NLK: variants seen among roughly 807,000 people sequenced by gnomAD.
NLK encodes the protein serine/threonine-protein kinase NLK.
NLK carries 11 observed loss-of-function variants against 59.0 expected under a neutral mutation model. The observed-to-expected ratio is 0.19, with a 90% CI of 0.12 to 0.31. The LOEUF is 0.31. Among genes scored for constraint, NLK ranks in the 10% least tolerant of loss-of-function variants. NLK has a pLI of 1.00. For missense variants in NLK, 410 were observed against 661.1 expected (o/e 0.62, Z 4.16); for synonymous variants, 235 against 235.9 (o/e 1.00, Z 0.03).
In NLK at chr17:28,174,052, C is replaced by CCTGT. The variant is rs1252255387; in HGVS notation, c.1149+1438_1149+1441dup. Among the ~76,000 whole-genome samples, 3 of 152,300 alleles carry CCTGT rather than the reference C, an allele frequency of 2.0e-5. No homozygotes were observed. The East Asian group carries it at 5.8e-4, about 29-fold the overall frequency. On this transcript the variant is annotated intron_variant, in intron 7 of 10. Coordinates refer to ENST00000407008, the MANE Select transcript of NLK (RefSeq NM_016231.5). ...AAGAACAAGGTTTCCTGAGGAGTTT[C>CCTGT]CTGTCTGCTGTCTAGATAGAACGGC... is the stretch of plus-strand genomic sequence containing the variant.
chr17:28,081,488 A>G (rs781523915), intron 1 of NLK, among the ~76,000 whole-genome samples: 1 of 152,192 alleles, frequency 6.6e-6, no homozygotes, highest in Non-Finnish European at 1.5e-5. Flanking sequence ...TTAAATAAAT[A>G]TTAGAAATGA....
intron 1 of NLK, among the ~76,000 whole-genome samples, chr17:28,067,428 A>T (rs1222609595): frequency 6.6e-6 from 1 of 152,140 alleles, no homozygotes; most frequent in Non-Finnish European, 1.5e-5. Flanking sequence ...TCAAATTTGC[A>T]AAACATGCAT....
chr17:28,202,529 G>A, the NLK span, among the ~76,000 whole-genome samples: 3 of 151,964 alleles, frequency 2.0e-5, no homozygotes, highest in African/African-American at 7.3e-5. Context: ...GTGTTCATGA[G>A]AGATATTGAT....
At chr17:28,190,625 C>T (rs557564332) in intron 8 of NLK, among the ~76,000 whole-genome samples, 17 of 152,088 alleles carry the variant, frequency 1.1e-4, no homozygotes, top group East Asian at 3.9e-4. Flanking sequence ...CCACTGTGAA[C>T]GCATCTTCAG....
At chr17:28,166,145 G>T (rs371185702) in intron 5 of NLK, among the ~76,000 whole-genome samples, 5 of 152,224 alleles carry the variant, frequency 3.3e-5, no homozygotes, top group East Asian at 3.8e-4. Flanking sequence ...AACCTGAGAG[G>T]CAGACGTTGC....
At chr17:28,146,070 G>GA (rs1012244029) in intron 3 of NLK, among the ~76,000 whole-genome samples, 1 of 152,104 alleles carries the variant, frequency 6.6e-6, no homozygotes, top group Non-Finnish European at 1.5e-5. Flanking sequence ...TTTTTTCCCT[G>GA]GGGAGAATGT....
intron 3 of NLK, among the ~76,000 whole-genome samples, chr17:28,146,374 T>C (rs1907249768): frequency 8.1e-6 from 1 of 123,946 alleles, no homozygotes; most frequent in African/African-American, 3.2e-5. Flanking sequence ...CTCCCTCATA[T>C]AACGATGTTG....
chr17:28,089,883 TTGTG>T (rs1299576497), intron 1 of NLK, among the ~76,000 whole-genome samples: 2 of 152,192 alleles, frequency 1.3e-5, no homozygotes, highest in East Asian at 1.9e-4. Context: ...TTAAAAAAAA[TTGTG>T]TGTGTATTTT....
chr17:28,176,345 C>A (rs529759920), intron 7 of NLK, among the ~76,000 whole-genome samples: 2 of 152,254 alleles, frequency 1.3e-5, no homozygotes, highest in South Asian at 4.1e-4. Context: ...AAGCTTCTTT[C>A]AAGTAGTTTT....
At chr17:28,190,520 G>A (rs1051511006) in intron 8 of NLK, among the ~76,000 whole-genome samples, 1 of 152,102 alleles carries the variant, frequency 6.6e-6, no homozygotes, top group Non-Finnish European at 1.5e-5. Flanking sequence ...AAATATGGCA[G>A]TCAGACCACT....
At chr17:28,087,021 C>G (rs1397097818) in intron 1 of NLK, among the ~76,000 whole-genome samples, 2 of 151,136 alleles carry the variant, frequency 1.3e-5, no homozygotes, top group African/African-American at 2.4e-5. Context: ...GCACTCCAGC[C>G]TGGGTGACAC....
chr17:28,134,216 A>T (rs1194230106), intron 3 of NLK, among the ~76,000 whole-genome samples: 2 of 152,092 alleles, frequency 1.3e-5, no homozygotes, highest in African/African-American at 4.8e-5. Context: ...TGGGCAACAT[A>T]GCAAGGCCTC....
intron 8 of NLK, among the ~76,000 whole-genome samples, chr17:28,188,496 G>T (rs927135657): frequency 1.3e-5 from 2 of 152,132 alleles, no homozygotes; most frequent in Non-Finnish European, 2.9e-5. Context: ...GTGTGTTTGT[G>T]TGTCAGGGTC....
chr17:28,119,096 C>T (rs1047141890), intron 1 of NLK, among the ~76,000 whole-genome samples: 2 of 152,090 alleles, frequency 1.3e-5, no homozygotes, highest in Non-Finnish European at 2.9e-5. Flanking sequence ...TTAGAATAAC[C>T]AGGGTATGGC....
intron 1 of NLK, among the ~76,000 whole-genome samples, chr17:28,110,924 A>C (rs1299027467): frequency 1.5e-4 from 22 of 150,614 alleles, no homozygotes; most frequent in Admixed American, 1.5e-3. Context: ...GGCTCACTGC[A>C]AGCTCCGCCT....
Position 28,042,915 on chromosome 17 carries a change from G to A in NLK, c.42G>A (p.Ala14=), listed in dbSNP as rs1908904987. 1 of 1,535,794 alleles carries A rather than the reference G, an allele frequency of 6.5e-7. No homozygotes were observed. Among genetic ancestry groups the A allele is most frequent in the Admixed American group, 2.1e-5 (1 of 48,614 alleles). Residue 14 remains alanine, a synonymous_variant, in exon 1 of 11, where the codon GCG becomes GCA. Coordinates refer to ENST00000407008, the MANE Select transcript of NLK (RefSeq NM_016231.5). The part of the protein sequence containing the change: ...CGARANAKMM[A]AYNGGTSAAA... ...CAAGAGCCAACGCAAAAATGATGGC[G>A]GCTTACAATGGCGGTACATCTGCAG...
intron 5 of NLK, among the ~76,000 whole-genome samples, chr17:28,168,171 CAA>C (rs35703027): frequency 0.058 from 8,233 of 141,378 alleles, 317 homozygotes; most frequent in East Asian, 0.17. Flanking sequence ...CTAAATAATA[CAA>C]AAAAAAAAAA....
intron 2 of NLK, among the ~76,000 whole-genome samples, chr17:28,123,291 T>C (rs1906152492): frequency 6.6e-6 from 1 of 152,198 alleles, no homozygotes; most frequent in Non-Finnish European, 1.5e-5. Context: ...ATTAAATATG[T>C]TTAAAGCCCA....
chr17:28,159,505 A>G (rs1198315676), intron 3 of NLK, among the ~76,000 whole-genome samples: 1 of 152,212 alleles, frequency 6.6e-6, no homozygotes, highest in Non-Finnish European at 1.5e-5. Flanking sequence ...AAAAACTATT[A>G]AAAACTATAA....
Sources: gnomAD v4.1 joint callset for allele counts (sites outside exome capture counted in the v4.1 genomes callset) on GRCh38, gnomAD v4.1.1 for gene constraint, MANE v1.5 for transcripts, NCBI Gene and HGNC (gene_info 2026-07-23, HGNC 2026-07-21) for gene names.